SP7: variants seen among roughly 807,000 people sequenced by gnomAD.
The protein encoded by SP7 is transcription factor Sp7.
A neutral mutation model predicts 27.9 loss-of-function variants in SP7; 13 were observed. That is an observed-to-expected ratio of 0.47 (90% confidence interval 0.30 to 0.74). The LOEUF (loss-of-function observed/expected upper bound fraction) is 0.74. Ranked by LOEUF, SP7 falls within the 30% of genes least tolerant of loss-of-function variation. The pLI, the probability that SP7 is intolerant of heterozygous loss-of-function variation, is 0.06. For synonymous variants in SP7, 219 were observed against 226.7 expected (o/e 0.97, Z 0.31); for missense variants, 525 against 558.0 (o/e 0.94, Z 0.60).
upstream of SP7, among the ~76,000 whole-genome samples, chr12:53,336,680 C>CCAGT (rs1485326482): frequency 6.6e-6 from 1 of 152,104 alleles, no homozygotes; most frequent in African/African-American, 2.4e-5. Context: ...GCTTGCTTCC[C>CCAGT]CAGTCACCCA....
At chr12:53,329,818 G>A (rs758619038) in intron 2 of SP7, among the ~76,000 whole-genome samples, 55 of 150,294 alleles carry the variant, frequency 3.7e-4, no homozygotes, top group East Asian at 2.9e-3. Flanking sequence ...TGCAACCTCC[G>A]CCTCCCGGGT....
chr12:53,334,374 A>ACACT (rs1353823853), intron 2 of SP7, among the ~76,000 whole-genome samples: 111 of 139,968 alleles, frequency 7.9e-4, no homozygotes, highest in African/African-American at 2.3e-3. Context: ...ACACACACAC[A>ACACT]CTCTCAGGGC....
Position 53,329,253 on chromosome 12 carries a change from A to G in SP7, c.189T>C (p.Ala63=), listed in dbSNP as rs1440073652. The change falls in exon 3 of 3, where the codon GCT becomes GCC. Residue 63 remains alanine, a synonymous_variant. Transcript: ENST00000536324. ...DLSASKTMGD[A]YPAPFTSTNG... ...TAGTGCTTGTAAAGGGGGCTGGATA[A>G]GCATCCCCCATGGTTTTGGAGGCTG... 1 of 1,613,834 alleles carries G rather than the reference A, an allele frequency of 6.2e-7. No individual in the cohort carries two copies. Among genetic ancestry groups the G allele is most frequent in the East Asian group, 2.2e-5 (1 of 44,878 alleles).
rs1944709535 is a variant in SP7, at chr12:53,331,877, T to C, written c.22-2457A>G. Among the ~76,000 whole-genome samples, 4 of 152,182 alleles carry C rather than the reference T, an allele frequency of 2.6e-5. No homozygotes were observed. The South Asian group carries it at 8.3e-4, about 32-fold the overall frequency. ...GCATGTAGTATGTGTACGATGCCAATCCGAGAGGTGGGCCTGGGGCCCTGG... is the reference window on the plus strand; with the variant it reads ...GCATGTAGTATGTGTACGATGCCAACCCGAGAGGTGGGCCTGGGGCCCTGG... On this transcript the variant is annotated intron_variant, in intron 2 of 2. Coordinates refer to ENST00000536324, the MANE Select transcript of SP7 (RefSeq NM_001173467.3).
At chr12:53,332,932 C>T (rs893080689) in intron 2 of SP7, among the ~76,000 whole-genome samples, 35 of 152,276 alleles carry the variant, frequency 2.3e-4, no homozygotes, top group Admixed American at 3.9e-4. Context: ...CGCCGTCCCC[C>T]GCCCGGCCCT....
At chr12:53,342,799 A>G (rs1290271945) in intron 1 of SP7, among the ~76,000 whole-genome samples, 1 of 152,080 alleles carries the variant, frequency 6.6e-6, no homozygotes, top group East Asian at 1.9e-4. Context: ...TAGGTGACAC[A>G]GAGAGACTCC....
In SP7 at chr12:53,329,288, T is replaced by G. The variant is rs762070452; in HGVS notation, c.154A>C (p.Ser52Arg). 1 of 1,613,902 alleles carries G rather than the reference T, an allele frequency of 6.2e-7. No homozygotes were observed. Among genetic ancestry groups the G allele is most frequent in the Admixed American group, 1.7e-5 (1 of 60,028 alleles). The change falls in exon 3 of 3, where the codon AGT (serine) becomes CGT (arginine). Residue 52 changes from serine (S) to arginine (R), a missense_variant. Ser to Arg is a moderately radical substitution (Grantham distance 110). Coordinates refer to ENST00000536324, the MANE Select transcript of SP7 (RefSeq NM_001173467.3). ...ATGGTTTTGGAGGCTGAAAGGTCACTGCCCACAGAGTACGGCTTCTTTGTG... is the reference window on the plus strand; with the variant it reads ...ATGGTTTTGGAGGCTGAAAGGTCACGGCCCACAGAGTACGGCTTCTTTGTG... ...AGTKKPYSVG[S>R]DLSASKTMGD...
At chr12:53,340,675 C>A (rs972298599), upstream of SP7, among the ~76,000 whole-genome samples, 26 of 152,204 alleles carry the variant, frequency 1.7e-4, no homozygotes, top group African/African-American at 6.0e-4. Context: ...CCTGGTCTGG[C>A]CACTACCCGC....
Position 53,328,475 on chromosome 12 carries a change from G to A in SP7, c.967C>T (p.Pro323Ser). ...CAGAAGAGCCAGTTGCAGACGAAGG[G>A]CCTCTCGCCTGTGTGCCAGCGCAAG... ...AHLRWHTGER[P>S]FVCNWLFCGK... The change falls in exon 3 of 3, where the codon CCC becomes TCC. Residue 323 changes from proline to serine, a missense_variant. By Grantham distance (74) the Pro-to-Ser change is moderately conservative. Coordinates refer to ENST00000536324, the MANE Select transcript of SP7 (RefSeq NM_001173467.3). The surrounding 1 kb of genome is among the most constrained non-coding windows in gnomAD (Gnocchi z 5.1). 1 of 1,613,926 alleles carries A rather than the reference G, an allele frequency of 6.2e-7. No homozygotes were observed. Among genetic ancestry groups the A allele is most frequent in the East Asian group, 2.2e-5 (1 of 44,894 alleles).
At chr12:53,331,227 T>C (rs1228974490) in intron 2 of SP7, among the ~76,000 whole-genome samples, 1 of 152,004 alleles carries the variant, frequency 6.6e-6, no homozygotes, top group Non-Finnish European at 1.5e-5. Flanking sequence ...ATCCCAGCAC[T>C]TTGGGAAGCT....
chr12:53,335,576 G>T, intron 2 of SP7, 50 bp downstream of exon 2: 1 of 955,746 alleles, frequency 1.0e-6, no homozygotes, highest in East Asian at 2.6e-5. Context: ...GCAAGGACTA[G>T]GACCATTAAG....
chr12:53,329,161 G>T lies in SP7; in HGVS notation c.281C>A (p.Pro94His), dbSNP rs1255285860. 2 of 1,613,866 alleles carry T rather than the reference G, an allele frequency of 1.2e-6. No individual in the cohort carries two copies. The highest frequency in any genetic ancestry group is 2.2e-5 in the East Asian group (1 of 44,882). The change falls in exon 3 of 3, where the codon CCC (proline) becomes CAC (histidine). Residue 94 changes from proline (P) to histidine (H), a missense_variant. Physicochemically the swap from Pro to His is moderately conservative, Grantham distance 77 (BLOSUM62 -2). Coordinates refer to ENST00000536324, the MANE Select transcript of SP7 (RefSeq NM_001173467.3). ...GGGCCCAGGGAATGAGTGGGAAAAG[G>T]GAGGGTAATCATTAGCATAGCCTGA... ...PTSGYANDYPPFSHSFPGPTG... is the reference protein window; with the variant it reads ...PTSGYANDYPHFSHSFPGPTG...
chr12:53,337,227 C>T (rs1944780999), upstream of SP7, among the ~76,000 whole-genome samples: 2 of 152,236 alleles, frequency 1.3e-5, no homozygotes, highest in African/African-American at 4.8e-5. Flanking sequence ...AGTGATCTGA[C>T]TTTCCTGGGA....
At chr12:53,332,881 C>T (rs185595513) in intron 2 of SP7, among the ~76,000 whole-genome samples, 4 of 152,226 alleles carry the variant, frequency 2.6e-5, no homozygotes, top group Admixed American at 6.5e-5. Context: ...AGCCCGGCTC[C>T]GATGGTTTCC....
At position 53,335,708 on chromosome 12, in the gene SP7, G is replaced by T. The variant is rs74695556; in HGVS notation, c.-47-15C>A. On this transcript the variant is annotated splice_polypyrimidine_tract_variant and intron_variant, in intron 1 of 2. Transcript: ENST00000536324. Reference sequence around the variant, plus strand: ...GATGGAGAGAGCTGAGCCGGGGGGTGGGGGGGGTAGAGAGAGAAAAGGGAG... The same window carrying T: ...GATGGAGAGAGCTGAGCCGGGGGGTTGGGGGGGTAGAGAGAGAAAAGGGAG... 7,536 of 1,336,956 alleles carry T rather than the reference G, an allele frequency of 5.6e-3. 56 individuals carry two copies. The highest frequency in any genetic ancestry group is 0.012 in the South Asian group (886 of 76,844). The allele number at this position is 1,336,956 out of a possible 1,614,324, so 82.8% of individuals were successfully genotyped here.
Position 53,329,244 on chromosome 12 carries a change from G to C in SP7, c.198C>G (p.Ala66=), listed in dbSNP as rs939762405. The C allele has an allele frequency of 2.5e-6, 4 of 1,613,810 alleles. No homozygotes were observed. The change falls in exon 3 of 3, where the codon GCC becomes GCG. Residue 66 remains alanine (A), a synonymous_variant. Transcript: ENST00000536324. ...GGAGCCCATTAGTGCTTGTAAAGGG[G>C]GCTGGATAAGCATCCCCCATGGTTT... The part of the protein sequence containing the change: ...ASKTMGDAYP[A]PFTSTNGLLS...
rs529178340 is a variant in SP7, at chr12:53,334,377, C to G, written c.21+1249G>C. On this transcript the variant is annotated intron_variant, in intron 2 of 2. Coordinates refer to ENST00000536324, the MANE Select transcript of SP7 (RefSeq NM_001173467.3). The stretch of plus-strand genomic sequence containing the variant: ...ACACACACACACACACACACACACT[C>G]TCAGGGCCTGTGGCACCCTCGACTG... Among the ~76,000 whole-genome samples, 335 of 151,078 alleles carry G rather than the reference C, an allele frequency of 2.2e-3. 2 individuals are homozygous for G. Among genetic ancestry groups the G allele is most frequent in the African/African-American group, 7.8e-3 (323 of 41,296 alleles).
At chr12:53,334,968 G>A (rs557928624) in intron 2 of SP7, among the ~76,000 whole-genome samples, 9 of 152,292 alleles carry the variant, frequency 5.9e-5, no homozygotes, top group East Asian at 1.9e-4. Flanking sequence ...TTTGTAAGCC[G>A]GGCAAGCGGC....
upstream of SP7, among the ~76,000 whole-genome samples, chr12:53,339,129 C>T (rs1011870459): frequency 3.3e-5 from 5 of 152,168 alleles, no homozygotes; most frequent in Admixed American, 2.6e-4. Flanking sequence ...ACCCCCTAGG[C>T]ATCTGGTTTC....
Sources: allele counts gnomAD v4.1 joint callset (sites outside exome capture counted in the v4.1 genomes callset), GRCh38; gene constraint gnomAD v4.1.1; non-coding constraint Gnocchi (gnomAD v3.1); transcripts MANE v1.5; gene names NCBI Gene and HGNC (gene_info 2026-07-23, HGNC 2026-07-21).